Variants in WIPF1 observed in about 807,000 individuals in gnomAD.
WIPF1 encodes WAS/WASL-interacting protein family member 1.
WIPF1 carries 13 observed loss-of-function variants against 35.4 expected under a neutral mutation model. The ratio of observed to expected loss-of-function variants is 0.37; its 90% CI spans 0.24 to 0.58. The LOEUF is 0.58. Among genes scored for constraint, WIPF1 ranks in the 20% least tolerant of loss-of-function variants. WIPF1 has a pLI of 0.74. For synonymous variants in WIPF1, 267 were observed against 266.3 expected (o/e 1.00, Z -0.02); for missense variants, 591 against 667.0 (o/e 0.89, Z 1.25).
intron 1 of WIPF1, among the ~76,000 whole-genome samples, chr2:174,588,023 G>T: frequency 6.6e-6 from 1 of 152,214 alleles, no homozygotes; most frequent in East Asian, 1.9e-4. Flanking sequence ...GCAGGACTGG[G>T]TGCCTGTGTT....
intron 1 of WIPF1, among the ~76,000 whole-genome samples, chr2:174,606,968 C>T (rs757393487): frequency 6.6e-6 from 1 of 152,136 alleles, no homozygotes; most frequent in African/African-American, 2.4e-5. Flanking sequence ...GCCTTCTTGC[C>T]GTGTCATTAC....
intron 1 of WIPF1, among the ~76,000 whole-genome samples, chr2:174,649,288 T>C (rs1318389659): frequency 2.0e-5 from 3 of 152,230 alleles, no homozygotes; most frequent in Non-Finnish European, 4.4e-5. Flanking sequence ...TTTTATTATG[T>C]TTGAGACAAC....
At chr2:174,667,936 T>C (rs571230895) in intron 1 of WIPF1, among the ~76,000 whole-genome samples, 1 of 152,312 alleles carries the variant, frequency 6.6e-6, no homozygotes, top group East Asian at 1.9e-4. Context: ...TGGAGAAAGG[T>C]ATCTGCTTTT....
At chr2:174,662,129 G>T in intron 1 of WIPF1, among the ~76,000 whole-genome samples, 1 of 152,110 alleles carries the variant, frequency 6.6e-6, no homozygotes, top group Non-Finnish European at 1.5e-5. Flanking sequence ...ATATGAAATG[G>T]TACAGTATTT....
In WIPF1 at chr2:174,592,705, A is replaced by C. The variant is rs530729741; in HGVS notation, c.-39+4896T>G. The stretch of plus-strand genomic sequence containing the variant: ...ACTGCAACCTCCACCTCCTGGGTTC[A>C]AACAATTCTCCTGCCTCAGCCTCCC... On this transcript the variant is annotated intron_variant, in intron 1 of 7. Transcript: ENST00000679041. 3.4e-3 allele frequency among the ~76,000 whole-genome samples: 517 copies of C among 151,476 alleles called. 1 individual carries two copies. The highest frequency in any genetic ancestry group is 0.012 in the African/African-American group (492 of 41,204).
intron 1 of WIPF1, among the ~76,000 whole-genome samples, chr2:174,646,117 T>G (rs1266919857): frequency 6.6e-6 from 1 of 152,204 alleles, no homozygotes; most frequent in Non-Finnish European, 1.5e-5. Context: ...ATGCGAAAAG[T>G]GTCAGGAGTG....
intron 1 of WIPF1, among the ~76,000 whole-genome samples, chr2:174,654,976 G>A (rs1687611309): frequency 6.6e-6 from 1 of 152,184 alleles, no homozygotes; most frequent in Non-Finnish European, 1.5e-5. Flanking sequence ...TCCTGAAAAA[G>A]GTTTGTGGCA....
At chr2:174,642,136 T>C (rs1687308777) in intron 1 of WIPF1, among the ~76,000 whole-genome samples, 1 of 152,188 alleles carries the variant, frequency 6.6e-6, no homozygotes, top group Admixed American at 6.5e-5. Flanking sequence ...TTTCTGCACA[T>C]GCCTTTCACT....
chr2:174,672,589 A>G (rs1368554925), intron 1 of WIPF1, among the ~76,000 whole-genome samples: 1 of 152,274 alleles, frequency 6.6e-6, no homozygotes, highest in Non-Finnish European at 1.5e-5. Flanking sequence ...CTTAGTCAAA[A>G]ACAGGCATGG....
intron 1 of WIPF1, among the ~76,000 whole-genome samples, chr2:174,639,597 T>C (rs959199320): frequency 6.6e-6 from 1 of 152,216 alleles, no homozygotes; most frequent in Non-Finnish European, 1.5e-5. Context: ...TAGTTCCTTA[T>C]ATAGCCTGGA....
upstream of WIPF1, among the ~76,000 whole-genome samples, chr2:174,599,792 ACT>A (rs3049904): frequency 0.32 from 46,888 of 148,450 alleles, 8,710 homozygotes; most frequent in African/African-American, 0.53. Flanking sequence ...ACACACACAC[ACT>A]CTCTCTCTCT....
intron 1 of WIPF1, among the ~76,000 whole-genome samples, chr2:174,596,339 C>A (rs1057355711): frequency 9.2e-5 from 14 of 152,154 alleles, no homozygotes; most frequent in African/African-American, 3.1e-4. Context: ...TGATGATATT[C>A]CAGTACAGAA....
upstream of WIPF1, among the ~76,000 whole-genome samples, chr2:174,602,256 T>C (rs1686032715): frequency 1.3e-5 from 2 of 152,202 alleles, no homozygotes; most frequent in South Asian, 4.1e-4. Context: ...TATAAAACAA[T>C]AATGTAGGTC....
chr2:174,648,007 G>C (rs1407461188), intron 1 of WIPF1, among the ~76,000 whole-genome samples: 1 of 152,182 alleles, frequency 6.6e-6, no homozygotes, highest in African/African-American at 2.4e-5. Context: ...ATTAGAGAGT[G>C]GGTTACATCC....
At chr2:174,662,893 G>C (rs1687808753) in intron 1 of WIPF1, among the ~76,000 whole-genome samples, 1 of 152,188 alleles carries the variant, frequency 6.6e-6, no homozygotes, top group African/African-American at 2.4e-5. Context: ...CCTTTAACAA[G>C]TGTTGGTAAA....
At chr2:174,658,397 A>T (rs1235728602) in intron 1 of WIPF1, among the ~76,000 whole-genome samples, 1 of 152,204 alleles carries the variant, frequency 6.6e-6, no homozygotes, top group Non-Finnish European at 1.5e-5. Flanking sequence ...GATAAAAGTG[A>T]GCAAGTAACA....
At chr2:174,582,006 C>T (rs1367217) in intron 2 of WIPF1, among the ~76,000 whole-genome samples, 142,828 of 152,278 alleles carry the variant, frequency 0.94, 67,102 homozygotes, top group East Asian at 0.99. Context: ...GTAATTTACA[C>T]ATAGTGAAAT....
intron 1 of WIPF1, among the ~76,000 whole-genome samples, chr2:174,595,105 A>ATAT (rs1559155535): frequency 1.7e-4 from 7 of 40,572 alleles, no homozygotes; most frequent in East Asian, 2.2e-3. Context: ...AAAAAAAAAA[A>ATAT]AAAAATATAT....
intron 1 of WIPF1, among the ~76,000 whole-genome samples, chr2:174,672,095 C>T (rs962206943): frequency 1.3e-5 from 2 of 152,104 alleles, no homozygotes; most frequent in Admixed American, 1.3e-4. Context: ...AAATTTCTCT[C>T]TTTTGTACTC....
Sources: allele counts gnomAD v4.1 joint callset (sites outside exome capture counted in the v4.1 genomes callset), GRCh38; gene constraint gnomAD v4.1.1; transcripts MANE v1.5; gene names NCBI Gene and HGNC (gene_info 2026-07-23, HGNC 2026-07-21).